MAPK10: variants seen among roughly 807,000 people sequenced by gnomAD.
MAPK10 encodes JNK3 alpha protein kinase.
In MAPK10, 25 loss-of-function variants were observed where a neutral mutation model predicts 59.3. The observed-to-expected ratio is 0.42, with a 90% CI of 0.31 to 0.59. The LOEUF (loss-of-function observed/expected upper bound fraction) is 0.59. Among genes scored for constraint, MAPK10 ranks in the 20% least tolerant of loss-of-function variants. The probability of loss-of-function intolerance (pLI) is 0.15; values close to 1 mark genes in which losing one functional copy is unlikely to be tolerated. For synonymous variants in MAPK10, 190 were observed against 200.5 expected (o/e 0.95, Z 0.44); for missense variants, 351 against 568.9 (o/e 0.62, Z 3.90).
intron 1 of MAPK10, among the ~76,000 whole-genome samples, chr4:86,398,269 A>T (rs537640266): frequency 2.2e-4 from 33 of 152,260 alleles, no homozygotes; most frequent in Non-Finnish European, 4.3e-4. Context: ...AGGCCCAAGG[A>T]TCTGGTAGAT....
intron 1 of MAPK10, among the ~76,000 whole-genome samples, chr4:86,589,152 CA>C (rs1762842027): frequency 6.7e-6 from 1 of 149,408 alleles, no homozygotes; most frequent in Non-Finnish European, 1.5e-5. Context: ...TTTTTGGTAA[CA>C]GAAAAAAAAA....
At chr4:86,055,225 A>C (rs1279033828) in intron 11 of MAPK10, among the ~76,000 whole-genome samples, 1 of 133,028 alleles carries the variant, frequency 7.5e-6, no homozygotes. Flanking sequence ...AAAATCACTA[A>C]CATGCTAAAC....
intron 2 of MAPK10, among the ~76,000 whole-genome samples, chr4:86,206,995 T>G (rs935758525): frequency 5.3e-5 from 8 of 152,014 alleles, no homozygotes; most frequent in African/African-American, 1.7e-4. Context: ...ATTTTGTAGG[T>G]TGCCTGTTCA....
intron 2 of MAPK10, among the ~76,000 whole-genome samples, chr4:86,261,946 C>T (rs2148743537): frequency 1.3e-5 from 2 of 152,362 alleles, no homozygotes; most frequent in South Asian, 4.1e-4. Context: ...CCCTGCTGGG[C>T]AACTAAGGTT....
chr4:86,089,124 C>A, intron 9 of MAPK10: 1 of 1,036,668 alleles, frequency 9.6e-7, no homozygotes, highest in South Asian at 1.5e-5. Context: ...GAACAAATAC[C>A]ATAAGCAGTA....
chr4:86,214,336 T>C (rs1285965297), intron 2 of MAPK10, among the ~76,000 whole-genome samples: 1 of 151,820 alleles, frequency 6.6e-6, no homozygotes, highest in Non-Finnish European at 1.5e-5. Flanking sequence ...GGTAAGGATG[T>C]TCACTTTTAC....
At chr4:86,465,752 C>G (rs183475324) in intron 1 of MAPK10, among the ~76,000 whole-genome samples, 2 of 152,130 alleles carry the variant, frequency 1.3e-5, no homozygotes, top group Admixed American at 6.5e-5. Context: ...AGCCAGATGC[C>G]GAGGAAGAGA....
intron 3 of MAPK10, among the ~76,000 whole-genome samples, chr4:86,170,352 A>G (rs1477203417): frequency 2.0e-5 from 3 of 152,130 alleles, no homozygotes; most frequent in Non-Finnish European, 4.4e-5. Context: ...CTCAAAATAA[A>G]AGGATGGAGG....
chr4:86,474,598 A>T (rs1046059306), intron 1 of MAPK10, among the ~76,000 whole-genome samples: 5 of 152,216 alleles, frequency 3.3e-5, no homozygotes, highest in Non-Finnish European at 5.9e-5. Context: ...TGAAAATGTT[A>T]ATTTTTTTCT....
At chr4:86,349,777 T>C (rs545824256) in intron 2 of MAPK10, among the ~76,000 whole-genome samples, 36 of 152,322 alleles carry the variant, frequency 2.4e-4, no homozygotes, top group African/African-American at 8.4e-4. Flanking sequence ...GTCTGAGTAG[T>C]AGGACCTCAG....
At chr4:86,371,224 TATC>T (rs10600798) in intron 1 of MAPK10, among the ~76,000 whole-genome samples, 105,890 of 151,776 alleles carry the variant, frequency 0.7, 38,382 homozygotes, top group South Asian at 0.9. Flanking sequence ...TCATCATTAA[TATC>T]ATCATTATTT....
chr4:86,500,805 GC>G (rs1755245048), intron 1 of MAPK10, among the ~76,000 whole-genome samples: 1 of 152,036 alleles, frequency 6.6e-6, no homozygotes, highest in Non-Finnish European at 1.5e-5. Flanking sequence ...ACTTTTATTA[GC>G]TATGCAAAAT....
chr4:86,151,375 G>A (rs2066438297), intron 4 of MAPK10, among the ~76,000 whole-genome samples: 1 of 152,148 alleles, frequency 6.6e-6, no homozygotes, highest in Non-Finnish European at 1.5e-5. Flanking sequence ...GAGCTGACGA[G>A]ACATATATGC....
At chr4:86,236,842 A>G (rs1234659176) in intron 2 of MAPK10, among the ~76,000 whole-genome samples, 1 of 152,212 alleles carries the variant, frequency 6.6e-6, no homozygotes, top group Non-Finnish European at 1.5e-5. Flanking sequence ...GGAGGAAACT[A>G]GAGGTGGAAG....
intron 1 of MAPK10, among the ~76,000 whole-genome samples, chr4:86,373,049 A>G (rs1405164100): frequency 6.6e-6 from 1 of 152,228 alleles, no homozygotes; most frequent in Middle Eastern, 3.2e-3. Context: ...TGGTAGTGGT[A>G]CCAAAACAGA....
intron 4 of MAPK10, among the ~76,000 whole-genome samples, chr4:86,148,031 T>G (rs1231762221): frequency 6.6e-6 from 1 of 152,226 alleles, no homozygotes; most frequent in Non-Finnish European, 1.5e-5. Context: ...GTTAACATTA[T>G]GCAACAGGCA....
chr4:86,064,569 G>A, intron 10 of MAPK10, 179 bp from the exon 11 acceptor site: 1 of 615,186 alleles, frequency 1.6e-6, no homozygotes, highest in Non-Finnish European at 2.8e-6. Flanking sequence ...GTGTCTCTAA[G>A]CCTAAGGCTT....
rs560965935 is a variant in MAPK10, at chr4:86,378,525, G to A, written c.-121-23881C>T. 3.7e-4 allele frequency among the ~76,000 whole-genome samples: 57 copies of A among 152,178 alleles called. 1 individual carries two copies. Among genetic ancestry groups the A allele is most frequent in the African/African-American group, 1.4e-3 (57 of 41,532 alleles). On this transcript the variant is annotated intron_variant, in intron 1 of 13. Coordinates refer to the MAPK10 transcript ENST00000361569. The stretch of plus-strand genomic sequence containing the variant: ...TTAAATGTTGATATGTTCATTTTCT[G>A]TCTCCCCCTCTAAAATGTGTGAGGA...
chr4:86,176,771 A>T (rs1008577607), intron 3 of MAPK10, among the ~76,000 whole-genome samples: 7 of 152,256 alleles, frequency 4.6e-5, no homozygotes, highest in African/African-American at 1.4e-4. Context: ...TTAATCATTC[A>T]TCCATAAAAA....
Sources: allele counts gnomAD v4.1 joint callset (sites outside exome capture counted in the v4.1 genomes callset), GRCh38; gene constraint gnomAD v4.1.1; transcripts MANE v1.5; gene names NCBI Gene and HGNC (gene_info 2026-07-23, HGNC 2026-07-21).